The following SYT6 variants were observed in gnomAD, a reference collection of about 807,000 sequenced individuals.
SYT6 encodes the protein synaptotagmin-6.
In SYT6, 24 loss-of-function variants were observed where a neutral mutation model predicts 38.4. The ratio of observed to expected loss-of-function variants is 0.62; its 90% CI spans 0.45 to 0.88. SYT6 has a LOEUF of 0.88. Among genes scored for constraint, SYT6 ranks in the 40% least tolerant of loss-of-function variants. The probability of loss-of-function intolerance (pLI) is 0.00; values close to 1 mark genes in which losing one functional copy is unlikely to be tolerated. For synonymous variants in SYT6, 265 were observed against 241.9 expected (o/e 1.10, Z -0.89); for missense variants, 611 against 621.0 (o/e 0.98, Z 0.17).
intron 1 of SYT6, among the ~76,000 whole-genome samples, chr1:114,148,991 G>A (rs1557772423): frequency 6.6e-6 from 1 of 152,076 alleles, no homozygotes; most frequent in Non-Finnish European, 1.5e-5. Context: ...TTTCTTAGTT[G>A]TACTCAGGAG....
intron 1 of SYT6, among the ~76,000 whole-genome samples, chr1:114,151,650 C>T (rs2774297): frequency 6.6e-6 from 1 of 151,910 alleles, no homozygotes; most frequent in African/African-American, 2.4e-5. Flanking sequence ...TGTTCTCACC[C>T]TCTAGGCTCT....
chr1:114,092,188 C>T (rs1004496276), intron 7 of SYT6, 106 bp from the exon 8 acceptor site: 4 of 1,088,208 alleles, frequency 3.7e-6, no homozygotes, highest in Middle Eastern at 2.0e-4. Flanking sequence ...CCTAGCTTCT[C>T]ATAAGCTTTC....
In SYT6 at chr1:114,103,614, G is replaced by A. The variant is rs758800511; in HGVS notation, c.1179C>T (p.Ile393=). 3 of 1,614,218 alleles carry A rather than the reference G, an allele frequency of 1.9e-6. No individual in the cohort carries two copies. The highest frequency in any genetic ancestry group is 2.5e-6 in the Non-Finnish European group (3 of 1,180,032). The change falls in exon 4 of 8, where the codon ATC becomes ATT. Residue 393 remains isoleucine, a synonymous_variant. Coordinates refer to ENST00000610222, the MANE Select transcript of SYT6 (RefSeq NM_001253772.2). ...IKCRNLKAMD[I]TGYSDPYVKV... ...TAAGAGAGGTACCTGAATAGCCTGT[G>A]ATGTCCATCGCCTTGAGGTTCCGAC...
chr1:114,112,231 G>A (rs1041007840), intron 3 of SYT6, among the ~76,000 whole-genome samples: 3 of 152,172 alleles, frequency 2.0e-5, no homozygotes, highest in Admixed American at 6.5e-5. Flanking sequence ...ATGGAGAAGC[G>A]GGCACCCCCA....
At chr1:114,138,170 T>C (rs994615340) in intron 2 of SYT6, 117 bp from the exon 3 acceptor site, 48 of 1,014,236 alleles carry the variant, frequency 4.7e-5, no homozygotes, top group African/African-American at 6.5e-5. Flanking sequence ...AGCCCCCTTT[T>C]CCTTCCTCTT....
chr1:114,150,184 C>CAGTT (rs1679372809), intron 1 of SYT6, among the ~76,000 whole-genome samples: 1 of 152,166 alleles, frequency 6.6e-6, no homozygotes, highest in African/African-American at 2.4e-5. Flanking sequence ...AAACTTCAGA[C>CAGTT]AGTTAGAAGA....
chr1:114,137,485 C>G lies in SYT6; in HGVS notation c.1071+10G>C, dbSNP rs1210048811. Reference sequence around the variant, plus strand: ...ATCCTCAAGAAGCCAAGGAACAGGGCTGTACTTACACTTGTGGCATATTGG... The same window carrying G: ...ATCCTCAAGAAGCCAAGGAACAGGGGTGTACTTACACTTGTGGCATATTGG... On this transcript the variant is annotated intron_variant, in intron 3 of 7. Coordinates refer to ENST00000610222, the MANE Select transcript of SYT6 (RefSeq NM_001253772.2). The G allele has an allele frequency of 1.9e-6, 3 of 1,609,186 alleles. No homozygotes were observed. In the South Asian group the frequency reaches 3.3e-5, roughly 18 times the overall value.
chr1:114,152,231 C>T (rs904461030), intron 1 of SYT6: 2 of 152,270 alleles, frequency 1.3e-5, no homozygotes, highest in Non-Finnish European at 2.9e-5. Flanking sequence ...CTCCCAGAAC[C>T]GCCGGTCCCT....
chr1:114,122,506 T>TGTGTGTGTGTGTGCACGC (rs60780339), intron 3 of SYT6, among the ~76,000 whole-genome samples: 2 of 147,288 alleles, frequency 1.4e-5, no homozygotes, highest in Non-Finnish European at 3.0e-5. Flanking sequence ...TGTGTGTGTG[T>TGTGTGTGTGTGTGCACGC]GCGCGCACAT....
At chr1:114,151,266 C>G (rs1245670404) in intron 1 of SYT6, among the ~76,000 whole-genome samples, 2 of 152,172 alleles carry the variant, frequency 1.3e-5, no homozygotes, top group Non-Finnish European at 2.9e-5. Context: ...CTCCCCATAT[C>G]CCTTTCAGCC....
chr1:114,117,413 C>G (rs1055905483), intron 3 of SYT6, among the ~76,000 whole-genome samples: 2 of 152,242 alleles, frequency 1.3e-5, no homozygotes, highest in Non-Finnish European at 2.9e-5. Flanking sequence ...GTCCCCACTG[C>G]CTGCCTGGTG....
At chr1:114,129,083 G>A (rs888271485) in intron 3 of SYT6, among the ~76,000 whole-genome samples, 1 of 152,122 alleles carries the variant, frequency 6.6e-6, no homozygotes, top group Non-Finnish European at 1.5e-5. Flanking sequence ...CCCCATATGG[G>A]TTCTTCCTCC....
chr1:114,138,165 C>G, intron 2 of SYT6, 112 bp from the exon 3 acceptor site: 1 of 1,039,614 alleles, frequency 9.6e-7, no homozygotes, highest in East Asian at 2.6e-5. Context: ...TGTTGAGCCC[C>G]CTTTTCCTTC....
Position 114,093,492 on chromosome 1 carries a change from C to T in SYT6, c.*51+243G>A, listed in dbSNP as rs2101616878. ...AATCTTAGCATGTCAGCACTGGAGGCAGGCTTGGAAGCTGATCCAGTCTAA... is the reference window on the plus strand; with the variant it reads ...AATCTTAGCATGTCAGCACTGGAGGTAGGCTTGGAAGCTGATCCAGTCTAA... On this transcript the variant is annotated intron_variant, in intron 7 of 7. Coordinates refer to ENST00000610222, the MANE Select transcript of SYT6 (RefSeq NM_001253772.2). 2.0e-5 allele frequency among the ~76,000 whole-genome samples: 3 copies of T among 152,316 alleles called. No homozygotes were observed. In the East Asian group the frequency reaches 5.8e-4, roughly 29 times the overall value.
intron 1 of SYT6, among the ~76,000 whole-genome samples, chr1:114,143,799 C>T (rs564937278): frequency 6.6e-6 from 1 of 152,132 alleles, no homozygotes; most frequent in African/African-American, 2.4e-5. Flanking sequence ...TGGAGGTGGG[C>T]TCTCACTCCC....
At position 114,153,732 on chromosome 1, in the gene SYT6, T is replaced by G; in HGVS notation, c.41A>C (p.Glu14Ala). ...VWGAGGPRCQ[E>A]ALAVLASLCR... is the part of the protein sequence containing the mutation. The stretch of plus-strand genomic sequence containing the variant: ...CAGCGAGGCGAGGACCGCGAGCGCC[T>G]CCTGGCACCGAGGCCCGCCGGCCCC... Residue 14 changes from glutamate to alanine, a missense_variant, in exon 1 of 8, where the codon GAG (glutamate) becomes GCG (alanine). By Grantham distance (107) the Glu-to-Ala change is moderately radical. Coordinates refer to ENST00000610222, the MANE Select transcript of SYT6 (RefSeq NM_001253772.2). 1 of 681,972 alleles carries G rather than the reference T, an allele frequency of 1.5e-6. No homozygotes were observed. The allele number at this position is 681,972 out of a possible 1,614,324, so 42.2% of individuals were successfully genotyped here.
intron 3 of SYT6, among the ~76,000 whole-genome samples, chr1:114,109,273 T>C (rs1676527698): frequency 6.6e-6 from 1 of 152,242 alleles, no homozygotes; most frequent in Non-Finnish European, 1.5e-5. Context: ...CCAGATTGTA[T>C]GCTCTTTGAA....
chr1:114,149,504 C>T (rs945078951), intron 1 of SYT6, among the ~76,000 whole-genome samples: 53 of 152,232 alleles, frequency 3.5e-4, no homozygotes, highest in African/African-American at 1.1e-3. Context: ...CAATGCCAAG[C>T]TAATTACGGC....
At chr1:114,107,393 G>A (rs945064152) in intron 3 of SYT6, among the ~76,000 whole-genome samples, 2 of 152,192 alleles carry the variant, frequency 1.3e-5, no homozygotes, top group African/African-American at 4.8e-5. Flanking sequence ...GGTGTGGCCC[G>A]TGCACCCAAA....
Sources: gnomAD v4.1 joint callset for allele counts (sites outside exome capture counted in the v4.1 genomes callset) on GRCh38, gnomAD v4.1.1 for gene constraint, MANE v1.5 for transcripts, NCBI Gene and HGNC (gene_info 2026-07-23, HGNC 2026-07-21) for gene names.